The following RIPOR2 variants were observed in gnomAD, a reference collection of about 807,000 sequenced individuals.
The protein encoded by RIPOR2 is rho family-interacting cell polarization regulator 2.
In RIPOR2, 39 loss-of-function variants were observed where a neutral mutation model predicts 114.5. The observed-to-expected ratio is 0.34, with a 90% CI of 0.26 to 0.44. The LOEUF is 0.44. RIPOR2 is among the 20% of genes least tolerant of loss of function. The pLI is 1.00. For missense variants in RIPOR2, 1,007 were observed against 1,255.1 expected (o/e 0.80, Z 2.99); for synonymous variants, 445 against 484.4 (o/e 0.92, Z 1.07).
intron 1 of RIPOR2, chr6:24,947,988 C>T (rs1163171731): frequency 6.6e-6 from 1 of 152,070 alleles, no homozygotes; most frequent in Non-Finnish European, 1.5e-5. Flanking sequence ...CATTATTTTC[C>T]TAATACTCAC....
intron 1 of RIPOR2, among the ~76,000 whole-genome samples, chr6:24,997,303 C>T (rs1016248239): frequency 6.6e-6 from 1 of 151,742 alleles, no homozygotes; most frequent in East Asian, 1.9e-4. Context: ...CCTGTATGCT[C>T]ACTATGTAGT....
At chr6:24,839,847 G>C (rs1229214514) in intron 13 of RIPOR2, 1 of 1,209,258 alleles carries the variant, frequency 8.3e-7, no homozygotes, top group Non-Finnish European at 1.0e-6. Context: ...TAAGGCATCT[G>C]CTCTAAAGGA....
At chr6:24,910,908 C>T (rs1042932413) in intron 1 of RIPOR2, 3 of 985,386 alleles carry the variant, frequency 3.0e-6, no homozygotes, top group Non-Finnish European at 3.6e-6. Flanking sequence ...CCCGGAGCTG[C>T]CCGCACCTCC....
At chr6:24,862,014 G>T (rs1373991239) in intron 7 of RIPOR2, among the ~76,000 whole-genome samples, 2 of 152,176 alleles carry the variant, frequency 1.3e-5, no homozygotes, top group Non-Finnish European at 2.9e-5. Flanking sequence ...AATTATTTTT[G>T]GGTCTGACAA....
chr6:24,895,567 G>A (rs532376748), intron 1 of RIPOR2, among the ~76,000 whole-genome samples: 65 of 152,130 alleles, frequency 4.3e-4, no homozygotes, highest in Non-Finnish European at 9.0e-4. Flanking sequence ...TTCTTTAGTC[G>A]CTTGGCTTCA....
intron 1 of RIPOR2, among the ~76,000 whole-genome samples, chr6:24,907,380 G>A (rs1175868957): frequency 6.6e-6 from 1 of 152,154 alleles, no homozygotes; most frequent in Non-Finnish European, 1.5e-5. Flanking sequence ...TAGTGTTCCC[G>A]GTTTCCTTAG....
At chr6:24,860,386 C>G (rs12663715) in intron 8 of RIPOR2, among the ~76,000 whole-genome samples, 1 of 152,130 alleles carries the variant, frequency 6.6e-6, no homozygotes, top group Non-Finnish European at 1.5e-5. Flanking sequence ...ACCTAACAAC[C>G]AATTGTAATG....
At chr6:24,911,169 G>A (rs1769548159) in intron 1 of RIPOR2, 1 of 151,776 alleles carries the variant, frequency 6.6e-6, no homozygotes, top group African/African-American at 2.4e-5. Flanking sequence ...GGCGTCACTT[G>A]TGCTGGGAGG....
intron 1 of RIPOR2, among the ~76,000 whole-genome samples, chr6:25,006,488 C>T (rs1225166792): frequency 2.6e-5 from 4 of 152,188 alleles, no homozygotes; most frequent in Non-Finnish European, 5.9e-5. Context: ...CTCTTGCCAC[C>T]TCACCCCCAC....
At chr6:24,832,789 T>G (rs555343380) in intron 15 of RIPOR2, among the ~76,000 whole-genome samples, 3 of 152,296 alleles carry the variant, frequency 2.0e-5, no homozygotes, top group East Asian at 1.9e-4. Context: ...GGTTTTATTT[T>G]TGTGTGTGTG....
chr6:24,988,172 A>G (rs1302172662), intron 1 of RIPOR2, among the ~76,000 whole-genome samples: 1 of 152,180 alleles, frequency 6.6e-6, no homozygotes, highest in South Asian at 2.1e-4. Context: ...TTAATGTTCT[A>G]TTGTGAATAG....
At chr6:24,846,832 T>C (rs1762344208) in intron 12 of RIPOR2, among the ~76,000 whole-genome samples, 1 of 152,206 alleles carries the variant, frequency 6.6e-6, no homozygotes, top group African/African-American at 2.4e-5. Context: ...ATTAAGGATA[T>C]CTTTTTATCG....
chr6:24,895,053 T>C (rs750241543), intron 1 of RIPOR2, among the ~76,000 whole-genome samples: 91 of 152,082 alleles, frequency 6.0e-4, no homozygotes, highest in Non-Finnish European at 1.6e-4. Context: ...GCAGTTTTTT[T>C]GTTTTGTTTT....
intron 1 of RIPOR2, among the ~76,000 whole-genome samples, chr6:25,020,304 C>T (rs1776256619): frequency 2.6e-5 from 4 of 152,272 alleles, no homozygotes; most frequent in African/African-American, 7.2e-5. Context: ...AATGATCCTT[C>T]TGATTTAGTT....
At chr6:24,923,016 C>A (rs1770617600) in intron 1 of RIPOR2, among the ~76,000 whole-genome samples, 1 of 152,070 alleles carries the variant, frequency 6.6e-6, no homozygotes. Context: ...AACTCTATGC[C>A]CTTTAAAGCA....
chr6:24,859,991 T>C (rs1206489051), intron 8 of RIPOR2, among the ~76,000 whole-genome samples: 2 of 152,238 alleles, frequency 1.3e-5, no homozygotes, highest in Non-Finnish European at 2.9e-5. Context: ...GCCGCTCATT[T>C]GACAGCCATG....
chr6:24,967,557 C>T (rs536187030), intron 1 of RIPOR2, among the ~76,000 whole-genome samples: 2 of 152,238 alleles, frequency 1.3e-5, no homozygotes, highest in East Asian at 1.9e-4. Context: ...TTCTGACATG[C>T]CCTGGGTGCA....
chr6:25,023,587 C>T, intron 1 of RIPOR2: 2 of 768,468 alleles, frequency 2.6e-6, no homozygotes, highest in East Asian at 2.4e-5. Flanking sequence ...CCTCCCAGTC[C>T]ATGGTGAAGG....
At chr6:24,810,226 T>C (rs1382054794) in intron 20 of RIPOR2, among the ~76,000 whole-genome samples, 1 of 152,164 alleles carries the variant, frequency 6.6e-6, no homozygotes, top group Non-Finnish European at 1.5e-5. Context: ...CCGGATGCAC[T>C]ATATCAGAAT....
Sources: allele counts gnomAD v4.1 joint callset (sites outside exome capture counted in the v4.1 genomes callset), GRCh38; gene constraint gnomAD v4.1.1; transcripts MANE v1.5; gene names NCBI Gene and HGNC (gene_info 2026-07-23, HGNC 2026-07-21).